NTRK2: variants seen among roughly 807,000 people sequenced by gnomAD.
NTRK2 encodes neurotrophic receptor tyrosine kinase 2, also known as BDNF/NT-3 growth factors receptor.
Under a neutral mutation model 94.5 loss-of-function variants are expected in NTRK2, and 13 were observed. The ratio of observed to expected loss-of-function variants is 0.14; its 90% CI spans 0.09 to 0.22. The LOEUF (loss-of-function observed/expected upper bound fraction) is 0.22. Ranked by LOEUF, NTRK2 falls within the 10% of genes least tolerant of loss-of-function variation. The probability of loss-of-function intolerance (pLI) is 1.00; values close to 1 mark genes in which losing one functional copy is unlikely to be tolerated. For missense variants in NTRK2, 639 were observed against 1,071.2 expected, an observed-to-expected ratio of 0.60 and a Z score of 5.63; for synonymous variants, 372 against 407.4, an observed-to-expected ratio of 0.91 and a Z score of 1.05.
At chr9:84,975,213 T>C (rs908635757) in intron 17 of NTRK2, among the ~76,000 whole-genome samples, 1 of 152,074 alleles carries the variant, frequency 6.6e-6, no homozygotes, top group Admixed American at 6.5e-5. Flanking sequence ...TGGAGCTTTT[T>C]TCCCCCCTCT....
At chr9:84,881,287 G>T (rs1353838406) in intron 14 of NTRK2, among the ~76,000 whole-genome samples, 1 of 152,116 alleles carries the variant, frequency 6.6e-6, no homozygotes, top group East Asian at 1.9e-4. Flanking sequence ...AGGATGGGGA[G>T]GGGACAACAA....
chr9:84,940,832 A>G (rs1227127765), intron 15 of NTRK2, among the ~76,000 whole-genome samples: 1 of 151,764 alleles, frequency 6.6e-6, no homozygotes, highest in African/African-American at 2.4e-5. Flanking sequence ...GGCTCTTTTC[A>G]TTATTTCTTT....
intron 4 of NTRK2, among the ~76,000 whole-genome samples, chr9:84,707,302 G>A (rs1021853257): frequency 1.3e-5 from 2 of 152,102 alleles, no homozygotes; most frequent in African/African-American, 4.8e-5. Flanking sequence ...CATCGTGGAG[G>A]TATGCGGTTA....
intron 17 of NTRK2, among the ~76,000 whole-genome samples, chr9:84,977,291 A>C (rs1040664379): frequency 1.3e-5 from 2 of 152,234 alleles, no homozygotes; most frequent in African/African-American, 4.8e-5. Flanking sequence ...TCCATAAGGC[A>C]CAGCACAGAC....
intron 14 of NTRK2, among the ~76,000 whole-genome samples, chr9:84,931,716 C>CAAAAAA (rs11395381): frequency 0.014 from 1,386 of 99,586 alleles, 10 homozygotes; most frequent in Admixed American, 0.022. Flanking sequence ...TAATAAAATG[C>CAAAAAA]AAAAAAAAAA....
At chr9:84,812,195 T>A (rs939904891) in intron 12 of NTRK2, 1 of 1,057,318 alleles carries the variant, frequency 9.5e-7, no homozygotes, top group South Asian at 4.6e-5. Context: ...TAAACCAGGA[T>A]CCATTTAGGT....
At position 85,022,474 on chromosome 9, in the gene NTRK2, T is replaced by C; in HGVS notation, c.*1037T>C. 1 of 233,288 alleles carries C rather than the reference T, an allele frequency of 4.3e-6. No homozygotes were observed. Among genetic ancestry groups the C allele is most frequent in the East Asian group, 6.0e-5 (1 of 16,576 alleles). The allele number at this position is 233,288 out of a possible 1,614,324, so 14.5% of individuals were successfully genotyped here. A position where few individuals can be genotyped will look rare whatever the true frequency, so the allele number is the denominator to read the frequency against. ...GGTGGATTCATGTCCAGAGCTCATT[T>C]CGGGGTCAGGTGGGAAAGCCAAGAA... is the stretch of plus-strand genomic sequence containing the variant. On this transcript the variant is annotated 3_prime_UTR_variant, in exon 19 of 19. Transcript: ENST00000277120.
chr9:84,823,948 G>A lies in NTRK2; in HGVS notation c.1397-37092G>A, dbSNP rs112030061. 5.9e-3 allele frequency among the ~76,000 whole-genome samples: 898 copies of A among 152,278 alleles called. 6 individuals are homozygous for A. The highest frequency in any genetic ancestry group is 5.5e-3 in the Non-Finnish European group (373 of 68,028). Reference sequence around the variant, plus strand: ...CAGATGCTGAGATGAGGATTCATGTGCAAGTAATTTATTAAGGGTGTGCCT... The same window carrying A: ...CAGATGCTGAGATGAGGATTCATGTACAAGTAATTTATTAAGGGTGTGCCT... On this transcript the variant is annotated intron_variant, in intron 12 of 18. Coordinates refer to ENST00000277120, the MANE Select transcript of NTRK2 (RefSeq NM_006180.6).
chr9:84,817,013 T>A (rs1242251611), intron 12 of NTRK2, among the ~76,000 whole-genome samples: 1 of 152,168 alleles, frequency 6.6e-6, no homozygotes, highest in African/African-American at 2.4e-5. Context: ...TGCTCCGTGC[T>A]TCAATTTCTT....
intron 4 of NTRK2, among the ~76,000 whole-genome samples, 170 bp from the exon 5 acceptor site, chr9:84,707,674 G>A (rs1171506128): frequency 6.6e-6 from 1 of 152,088 alleles, no homozygotes; most frequent in African/African-American, 2.4e-5. Flanking sequence ...CAAGGTTAGA[G>A]GAAAAACTCA....
chr9:84,835,957 G>A (rs144037450), intron 12 of NTRK2, among the ~76,000 whole-genome samples: 6 of 152,270 alleles, frequency 3.9e-5, no homozygotes, highest in Non-Finnish European at 5.9e-5. Flanking sequence ...TGGTTGAAGA[G>A]TAAGACAGGA....
intron 2 of NTRK2, among the ~76,000 whole-genome samples, chr9:84,699,964 C>A (rs116289717): frequency 0.028 from 4,191 of 152,184 alleles, 202 homozygotes; most frequent in African/African-American, 0.095. Flanking sequence ...GTGCCTTGTG[C>A]AGATCATAAT....
chr9:84,839,611 C>T (rs2074060676), intron 12 of NTRK2, among the ~76,000 whole-genome samples: 1 of 152,184 alleles, frequency 6.6e-6, no homozygotes, highest in Admixed American at 6.5e-5. Flanking sequence ...GCGTACAGGC[C>T]ATGTGCTGAA....
intron 17 of NTRK2, among the ~76,000 whole-genome samples, chr9:85,010,284 A>G (rs75453369): frequency 0.033 from 5,000 of 152,304 alleles, 201 homozygotes; most frequent in African/African-American, 0.089. Flanking sequence ...CCATCATCAT[A>G]ACACAGACAA....
chr9:84,805,383 G>C (rs1392127857), intron 12 of NTRK2, among the ~76,000 whole-genome samples: 2 of 152,140 alleles, frequency 1.3e-5, no homozygotes, highest in Non-Finnish European at 2.9e-5. Flanking sequence ...ATCAAAGTGA[G>C]AATTAGAATA....
At position 84,863,457 on chromosome 9, in the gene NTRK2, A is replaced by C. The variant is rs556111520; in HGVS notation, c.1444+2370A>C. ...TATGAATATTATAATACATTTTTTC[A>C]AGTCCTCATATGAATTTCGTTTAAC... On this transcript the variant is annotated intron_variant, in intron 13 of 18. Coordinates refer to ENST00000277120, the MANE Select transcript of NTRK2 (RefSeq NM_006180.6). Among the ~76,000 whole-genome samples, 12 of 152,294 alleles carry C rather than the reference A, an allele frequency of 7.9e-5. 1 individual carries two copies. In the South Asian group the frequency reaches 2.5e-3, roughly 32 times the overall value.
At chr9:84,982,653 C>T (rs745753980) in intron 17 of NTRK2, among the ~76,000 whole-genome samples, 28 of 152,122 alleles carry the variant, frequency 1.8e-4, no homozygotes, top group Non-Finnish European at 3.1e-4. Context: ...AAACCCAATG[C>T]GCAATGACAA....
intron 15 of NTRK2, among the ~76,000 whole-genome samples, chr9:84,938,581 A>G (rs1362381675): frequency 6.6e-6 from 1 of 152,178 alleles, no homozygotes; most frequent in Non-Finnish European, 1.5e-5. Context: ...AATGAATGGC[A>G]TTGAATGTCT....
chr9:84,685,744 T>A (rs2059672582), intron 2 of NTRK2, among the ~76,000 whole-genome samples: 1 of 152,198 alleles, frequency 6.6e-6, no homozygotes, highest in South Asian at 2.1e-4. Context: ...GCTTATCTTT[T>A]AGGCCTTGGC....
Sources: allele counts gnomAD v4.1 joint callset (sites outside exome capture counted in the v4.1 genomes callset), GRCh38; gene constraint gnomAD v4.1.1; transcripts MANE v1.5; gene names NCBI Gene and HGNC (gene_info 2026-07-23, HGNC 2026-07-21).